Variants in ABTB3 observed in about 807,000 individuals in gnomAD.
The protein encoded by ABTB3 is ankyrin repeat and BTB domain containing 3, also known as ankyrin repeat- and BTB/POZ domain-containing protein 3.
the ABTB3 span, among the ~76,000 whole-genome samples, chr12:107,442,457 G>C: frequency 6.6e-6 from 1 of 152,200 alleles, no homozygotes; most frequent in Non-Finnish European, 1.5e-5. Context: ...CACAAAATGT[G>C]GAAGATTGAT....
chr12:107,562,322 A>G, the ABTB3 span, among the ~76,000 whole-genome samples: 1 of 152,252 alleles, frequency 6.6e-6, no homozygotes, highest in South Asian at 2.1e-4. Flanking sequence ...AACTTCTGAA[A>G]AGTGCTATTT....
chr12:107,543,836 G>C, the ABTB3 span: 147 of 1,090,026 alleles, frequency 1.3e-4, no homozygotes, highest in Non-Finnish European at 1.9e-4. Flanking sequence ...ATTTAAATAA[G>C]GGACTGCAAG....
the ABTB3 span, among the ~76,000 whole-genome samples, chr12:107,509,175 T>C: frequency 6.6e-6 from 1 of 152,160 alleles, no homozygotes; most frequent in African/African-American, 2.4e-5. Flanking sequence ...CCCAGGACTC[T>C]GTGGGAAAGT....
chr12:107,576,369 C>T, the ABTB3 span, among the ~76,000 whole-genome samples: 1 of 152,210 alleles, frequency 6.6e-6, no homozygotes, highest in Non-Finnish European at 1.5e-5. Flanking sequence ...ATTCTGGAGG[C>T]TGGAAGCCCC....
chr12:107,360,793 G>A, the ABTB3 span, among the ~76,000 whole-genome samples: 1 of 152,062 alleles, frequency 6.6e-6, no homozygotes, highest in South Asian at 2.1e-4. Flanking sequence ...TCGCTCTGTT[G>A]CCCAGGCTGG....
At chr12:107,504,416 T>C in the ABTB3 span, among the ~76,000 whole-genome samples, 1 of 152,206 alleles carries the variant, frequency 6.6e-6, no homozygotes, top group African/African-American at 2.4e-5. Context: ...TGTCATTGCG[T>C]GTGGTCAGCC....
At chr12:107,361,887 G>A in the ABTB3 span, among the ~76,000 whole-genome samples, 1 of 152,098 alleles carries the variant, frequency 6.6e-6, no homozygotes, top group Non-Finnish European at 1.5e-5. Flanking sequence ...GGTCATGAGG[G>A]TGGCATCCTC....
the ABTB3 span, among the ~76,000 whole-genome samples, chr12:107,558,223 C>T: frequency 1.3e-5 from 2 of 152,156 alleles, no homozygotes; most frequent in Non-Finnish European, 2.9e-5. Flanking sequence ...GACTGCCCAT[C>T]AGCTCGTTTG....
At chr12:107,448,641 CTTTCT>C in the ABTB3 span, among the ~76,000 whole-genome samples, 40 of 147,830 alleles carry the variant, frequency 2.7e-4, no homozygotes, top group Middle Eastern at 3.4e-3. Flanking sequence ...TTCTTTCTTT[CTTTCT>C]TTTTTTTTTT....
the ABTB3 span, among the ~76,000 whole-genome samples, chr12:107,327,260 C>T: frequency 2.1e-4 from 32 of 152,228 alleles, 1 homozygote; most frequent in East Asian, 1.5e-3. Context: ...TTCTGAAGCC[C>T]GGATTATTAC....
At chr12:107,319,047 T>C in the ABTB3 span, 11 of 1,613,602 alleles carry the variant, frequency 6.8e-6, no homozygotes, top group Non-Finnish European at 8.5e-6. Context: ...AACTTGTCTT[T>C]GTGCTGTTCC....
the ABTB3 span, among the ~76,000 whole-genome samples, chr12:107,539,945 G>C: frequency 1.3e-5 from 2 of 152,276 alleles, no homozygotes; most frequent in African/African-American, 2.4e-5. Flanking sequence ...GCCTCTAAAA[G>C]AGAATGTCCT....
At chr12:107,364,147 G>T in the ABTB3 span, among the ~76,000 whole-genome samples, 5 of 152,114 alleles carry the variant, frequency 3.3e-5, no homozygotes, top group Non-Finnish European at 7.3e-5. Context: ...CCAGACAGTT[G>T]CCCTCCATGT....
At chr12:107,500,758 G>T in the ABTB3 span, among the ~76,000 whole-genome samples, 1 of 152,138 alleles carries the variant, frequency 6.6e-6, no homozygotes, top group African/African-American at 2.4e-5. Flanking sequence ...ACTCCGAGAA[G>T]CTGTGCTCCC....
At chr12:107,593,849 A>C in the ABTB3 span, among the ~76,000 whole-genome samples, 1 of 152,098 alleles carries the variant, frequency 6.6e-6, no homozygotes, top group Non-Finnish European at 1.5e-5. Flanking sequence ...ATCTAGTGGG[A>C]AGAGAGAAAA....
At chr12:107,528,624 A>C in the ABTB3 span, among the ~76,000 whole-genome samples, 1 of 152,188 alleles carries the variant, frequency 6.6e-6, no homozygotes, top group Non-Finnish European at 1.5e-5. Flanking sequence ...AGCAGATAGC[A>C]CATATTATAG....
the ABTB3 span, among the ~76,000 whole-genome samples, chr12:107,415,345 C>T: frequency 6.6e-6 from 1 of 152,146 alleles, no homozygotes; most frequent in Non-Finnish European, 1.5e-5. Flanking sequence ...TGTTCATCGT[C>T]TGCCTCCTCC....
the ABTB3 span, among the ~76,000 whole-genome samples, chr12:107,510,685 C>T: frequency 6.6e-6 from 1 of 152,040 alleles, no homozygotes; most frequent in Non-Finnish European, 1.5e-5. Flanking sequence ...CTTTGGGAAG[C>T]CGATGAGGGC....
At chr12:107,330,382 C>A in the ABTB3 span, among the ~76,000 whole-genome samples, 1 of 152,114 alleles carries the variant, frequency 6.6e-6, no homozygotes, top group Non-Finnish European at 1.5e-5. Context: ...TGTCATCATC[C>A]CCATCTTACC....
Sources: allele counts gnomAD v4.1 joint callset (sites outside exome capture counted in the v4.1 genomes callset), GRCh38; gene constraint gnomAD v4.1.1; transcripts MANE v1.5; gene names NCBI Gene and HGNC (gene_info 2026-07-23, HGNC 2026-07-21).